VPS13D: variants seen among roughly 807,000 people sequenced by gnomAD.
VPS13D encodes the protein vacuolar protein sorting 13 homolog D.
In VPS13D, 187 loss-of-function variants were observed where a neutral mutation model predicts 461.9. The observed-to-expected ratio is 0.40, with a 90% CI of 0.36 to 0.46. VPS13D has a LOEUF of 0.46. VPS13D is among the 20% of genes least tolerant of loss of function. The pLI, the probability that VPS13D is intolerant of heterozygous loss-of-function variation, is 0.60. For missense variants in VPS13D, 4,711 were observed against 5,364.9 expected, an observed-to-expected ratio of 0.88 and a Z score of 3.81; for synonymous variants, 1,951 against 1,986.3, an observed-to-expected ratio of 0.98 and a Z score of 0.47.
At chr1:12,413,923 T>C (rs1359599555) in intron 63 of VPS13D, among the ~76,000 whole-genome samples, 1 of 152,238 alleles carries the variant, frequency 6.6e-6, no homozygotes, top group Non-Finnish European at 1.5e-5. Context: ...ATTGTGCATG[T>C]ACATTCTTTA....
In VPS13D at chr1:12,467,415, C is replaced by T. The variant is rs185622699; in HGVS notation, c.12662+7019C>T. ...TCGAACTCCTGACCTCATGATCTGC[C>T]GACCTTGGCCTTTCAAAGTGTTGGG... is the stretch of plus-strand genomic sequence containing the variant. On this transcript the variant is annotated intron_variant, in intron 67 of 69. Coordinates refer to ENST00000620676, the MANE Select transcript of VPS13D (RefSeq NM_015378.4). 2.4e-3 allele frequency among the ~76,000 whole-genome samples: 360 copies of T among 152,280 alleles called. 5 individuals carry two copies. Among genetic ancestry groups the T allele is most frequent in the Non-Finnish European group, 3.7e-4 (25 of 68,014 alleles).
At chr1:12,460,745 C>T (rs1645401319) in intron 67 of VPS13D, among the ~76,000 whole-genome samples, 1 of 152,080 alleles carries the variant, frequency 6.6e-6, no homozygotes, top group African/African-American at 2.4e-5. Flanking sequence ...GAAGCTTCTT[C>T]TGTTCACCAA....
intron 67 of VPS13D, 137 bp from the exon 68 acceptor site, chr1:12,497,363 C>G: frequency 3.1e-6 from 3 of 981,204 alleles, no homozygotes; most frequent in Non-Finnish European, 2.8e-6. Flanking sequence ...TATTCACAGG[C>G]AGTACTGTAG....
chr1:12,366,111 G>A (rs1045478987), intron 52 of VPS13D, among the ~76,000 whole-genome samples: 18 of 151,972 alleles, frequency 1.2e-4, no homozygotes, highest in Non-Finnish European at 2.9e-5. Flanking sequence ...GTCTCACTAT[G>A]TTGCCCAGGC....
intron 65 of VPS13D, among the ~76,000 whole-genome samples, chr1:12,417,354 G>A (rs1044949452): frequency 4.6e-5 from 7 of 152,160 alleles, no homozygotes; most frequent in South Asian, 4.1e-4. Context: ...ATCTTAATTC[G>A]TGGACATTTT....
intron 10 of VPS13D, among the ~76,000 whole-genome samples, chr1:12,260,015 C>CTTTTTTTTTT (rs70987243): frequency 1.4e-5 from 1 of 72,772 alleles, no homozygotes; most frequent in African/African-American, 3.9e-5. Flanking sequence ...GCTTTAGTGA[C>CTTTTTTTTTT]TTTTTTTTTT....
intron 65 of VPS13D, among the ~76,000 whole-genome samples, chr1:12,438,448 G>A (rs1198400119): frequency 6.6e-6 from 1 of 152,196 alleles, no homozygotes; most frequent in Non-Finnish European, 1.5e-5. Context: ...TCTGCTGTTT[G>A]TAAGCCACTC....
At chr1:12,393,523 AC>A (rs1309388984) in intron 60 of VPS13D, among the ~76,000 whole-genome samples, 1 of 152,222 alleles carries the variant, frequency 6.6e-6, no homozygotes, top group African/African-American at 2.4e-5. Context: ...AATTGGAGTC[AC>A]CATTTGGTTA....
chr1:12,413,581 C>T (rs1424283076), intron 63 of VPS13D, among the ~76,000 whole-genome samples: 1 of 152,152 alleles, frequency 6.6e-6, no homozygotes, highest in Non-Finnish European at 1.5e-5. Context: ...AAGTGATCCT[C>T]CTCCTCCAGC....
rs955688454 is a variant in VPS13D, at chr1:12,368,621, C to A, written c.10572+30C>A. On this transcript the variant is annotated intron_variant, in intron 53 of 69. Coordinates refer to ENST00000620676, the MANE Select transcript of VPS13D (RefSeq NM_015378.4). ...CAAGTGGAGCTGAGAGCCAGTTTGACTGTTTCATGTGTGGGAGGGTGGAGT... is the reference window on the plus strand; with the variant it reads ...CAAGTGGAGCTGAGAGCCAGTTTGAATGTTTCATGTGTGGGAGGGTGGAGT... 3 of 1,602,216 alleles carry A rather than the reference C, an allele frequency of 1.9e-6. No homozygotes were observed. In the South Asian group the frequency reaches 3.4e-5, roughly 18 times the overall value.
rs750074778 is a variant in VPS13D at position 12,288,322 on chromosome 1, T to TG, written c.5725+15dup. 2.8e-5 allele frequency: 45 copies of TG among 1,613,332 alleles called. No individual in the cohort carries two copies. In the East Asian group the frequency reaches 8.0e-4, roughly 29 times the overall value. On this transcript the variant is annotated intron_variant, in intron 22 of 69. Transcript: ENST00000620676. Reference sequence around the variant, plus strand: ...ACACCTGGAAATGATTGGTAAGTGGTGGGGGGTGGAGGGAAGCAAACTTGC... The same window carrying TG: ...ACACCTGGAAATGATTGGTAAGTGGTGGGGGGGTGGAGGGAAGCAAACTTGC...
At chr1:12,492,967 G>A (rs778570288) in intron 67 of VPS13D, among the ~76,000 whole-genome samples, 12 of 152,018 alleles carry the variant, frequency 7.9e-5, no homozygotes, top group Admixed American at 2.6e-4. Context: ...AAAAGCACAG[G>A]AATGAGAAAC....
At chr1:12,230,431 C>T (rs1250121541) in intron 1 of VPS13D, among the ~76,000 whole-genome samples, 1 of 152,114 alleles carries the variant, frequency 6.6e-6, no homozygotes, top group Non-Finnish European at 1.5e-5. Context: ...ACGTCCGTGT[C>T]CTGGGGAGCC....
At chr1:12,346,368 A>G (rs1324482908) in intron 43 of VPS13D, among the ~76,000 whole-genome samples, 3 of 152,188 alleles carry the variant, frequency 2.0e-5, no homozygotes, top group African/African-American at 4.8e-5. Flanking sequence ...CCTCATAGGT[A>G]CCTTTCTTAC....
chr1:12,331,649 T>C (rs1385251166), intron 37 of VPS13D, among the ~76,000 whole-genome samples: 1 of 146,494 alleles, frequency 6.8e-6, no homozygotes, highest in Admixed American at 6.9e-5. Context: ...GAGGTGGAGA[T>C]TACAGTGAGC....
intron 29 of VPS13D, among the ~76,000 whole-genome samples, chr1:12,312,877 G>T (rs1332926709): frequency 1.3e-5 from 2 of 152,228 alleles, no homozygotes; most frequent in African/African-American, 4.8e-5. Context: ...TGGAAGCGGA[G>T]TAGCAATTGC....
chr1:12,289,804 C>T (rs1167202619), intron 22 of VPS13D, among the ~76,000 whole-genome samples: 3 of 152,054 alleles, frequency 2.0e-5, no homozygotes, highest in African/African-American at 7.2e-5. Flanking sequence ...GTTGTGATGG[C>T]CAGTGCCTGT....
Position 12,321,309 on chromosome 1 carries a change from GGTTATTTTGGT to G in VPS13D, c.7549-497_7549-487del, listed in dbSNP as rs571295809. Among the ~76,000 whole-genome samples the G allele has an allele frequency of 2.1e-3, 315 of 152,238 alleles. 2 individuals are homozygous for G. The highest frequency in any genetic ancestry group is 7.1e-3 in the African/African-American group (295 of 41,546). On this transcript the variant is annotated intron_variant, in intron 32 of 69. Coordinates refer to ENST00000620676, the MANE Select transcript of VPS13D (RefSeq NM_015378.4). Reference sequence around the variant, plus strand: ...AAATAATCATATATGATTTCTGATAGGTTATTTTGGTGTGTTTCTTTCCTTAAAGTTGGGGA... The same window carrying G: ...AAATAATCATATATGATTTCTGATAGGTGTTTCTTTCCTTAAAGTTGGGGA...
intron 31 of VPS13D, among the ~76,000 whole-genome samples, chr1:12,318,832 G>C (rs1306645882): frequency 6.6e-6 from 1 of 152,150 alleles, no homozygotes; most frequent in Non-Finnish European, 1.5e-5. Context: ...GCATCTGTAT[G>C]TATTTGTGTA....
Sources: gnomAD v4.1 joint callset for allele counts (sites outside exome capture counted in the v4.1 genomes callset) on GRCh38, gnomAD v4.1.1 for gene constraint, MANE v1.5 for transcripts, NCBI Gene and HGNC (gene_info 2026-07-23, HGNC 2026-07-21) for gene names.